Variants in LENG8 observed in about 807,000 individuals in gnomAD.
LENG8 encodes leukocyte receptor cluster member 8.
Under a neutral mutation model 102.1 loss-of-function variants are expected in LENG8, and 28 were observed. The ratio of observed to expected loss-of-function variants is 0.27; its 90% CI spans 0.20 to 0.38. LENG8 has a LOEUF of 0.38. Among genes scored for constraint, LENG8 ranks in the 10% least tolerant of loss-of-function variants. The pLI, the probability that LENG8 is intolerant of heterozygous loss-of-function variation, is 1.00. For missense variants in LENG8, 1,022 were observed against 1,113.9 expected, an observed-to-expected ratio of 0.92 and a Z score of 1.17; for synonymous variants, 531 against 456.7, an observed-to-expected ratio of 1.16 and a Z score of -2.07.
At chr19:54,460,482 C>T (rs930148164) in intron 15 of LENG8, 1 of 1,337,316 alleles carries the variant, frequency 7.5e-7, no homozygotes, top group African/African-American at 1.5e-5. Context: ...GCCCCTCAGC[C>T]AGCGGAGGAG....
In LENG8 at chr19:54,458,339, C is replaced by T. The variant is rs1249300548; in HGVS notation, c.2058C>T (p.Leu686=). 1 of 1,614,042 alleles carries T rather than the reference C, an allele frequency of 6.2e-7. No individual in the cohort carries two copies. The highest frequency in any genetic ancestry group is 1.7e-5 in the Admixed American group (1 of 60,034). ...SGDITTELAY[L]TRELKADPCV... The stretch of plus-strand genomic sequence containing the variant: ...ACATCACCACGGAGCTGGCATACCT[C>T]ACACGAGAACTGAAGGCAGATCCTT... The change falls in exon 15 of 16, where the codon CTC becomes CTT. Residue 686 remains leucine (L), a synonymous_variant. Coordinates refer to ENST00000326764, the MANE Select transcript of LENG8 (RefSeq NM_052925.4).
chr19:54,458,239 C>A lies in LENG8; in HGVS notation c.2032+7C>A, dbSNP rs751598350. On this transcript the variant is annotated splice_region_variant and intron_variant, in intron 14 of 15. Transcript: ENST00000326764. ...TTCACCAAGAACTCGGGAGGTGAGG[C>A]CCAGTCCCCAGGACAGAGGCCATGG... The A allele has an allele frequency of 4.6e-5, 74 of 1,613,998 alleles. No homozygotes were observed. The highest frequency in any genetic ancestry group is 5.6e-5 in the Non-Finnish European group (66 of 1,179,982).
chr19:54,460,320 AGTG>A (rs1412639515), intron 15 of LENG8: 7 of 1,234,104 alleles, frequency 5.7e-6, no homozygotes, highest in Non-Finnish European at 7.3e-6. Flanking sequence ...TTCAGTGTGT[AGTG>A]GTGAGTGCTA....
chr19:54,452,279 T>A lies in LENG8; in HGVS notation c.213+12T>A. The A allele has an allele frequency of 1.3e-6, 2 of 1,596,620 alleles. No homozygotes were observed. Among genetic ancestry groups the A allele is most frequent in the South Asian group, 2.2e-5 (2 of 90,192 alleles). The stretch of plus-strand genomic sequence containing the variant: ...TGGCCAGTGCACAGGTGAGAAGGCC[T>A]CATGGGGCTGGGGTACCCTGAGCCA... On this transcript the variant is annotated intron_variant, in intron 3 of 15. Transcript: ENST00000326764.
chr19:54,453,396 A>G (rs886334495), intron 4 of LENG8, 150 bp from the exon 5 acceptor site: 10 of 615,148 alleles, frequency 1.6e-5, no homozygotes, highest in Middle Eastern at 4.3e-4. Context: ...TCTTTTCCTA[A>G]TATATGAGAG....
At chr19:54,457,283 C>T (rs1047746504) in intron 11 of LENG8, among the ~76,000 whole-genome samples, 3 of 152,194 alleles carry the variant, frequency 2.0e-5, no homozygotes, top group Non-Finnish European at 4.4e-5. Flanking sequence ...TGTGAACAGC[C>T]ATGTGCTTAT....
Position 54,456,703 on chromosome 19 carries a change from C to G in LENG8, c.1513C>G (p.Arg505Gly). The G allele has an allele frequency of 1.2e-6, 2 of 1,613,310 alleles. No individual in the cohort carries two copies. Among genetic ancestry groups the G allele is most frequent in the Non-Finnish European group, 1.7e-6 (2 of 1,179,782 alleles). ...MAALECEDPE[R>G]ELKKQKRAAR... ...GGCGCTGGAGTGTGAGGACCCGGAG[C>G]GAGAGCTGAAGAAGCAGAAGCGGGC... Residue 505 changes from arginine to glycine, a missense_variant, in exon 11 of 16, where the codon CGA (arginine) becomes GGA (glycine). Transcript: ENST00000326764.
At chr19:54,459,833 TAGAA>T (rs2084439938) in intron 15 of LENG8, 7 of 1,157,874 alleles carry the variant, frequency 6.0e-6, no homozygotes, top group South Asian at 1.7e-5. Flanking sequence ...CTTGGGAAGT[TAGAA>T]GGAAGGGGAG....
intron 3 of LENG8, 100 bp downstream of exon 3, chr19:54,452,367 GGAAACAT>G: frequency 8.8e-7 from 1 of 1,136,398 alleles, no homozygotes; most frequent in Non-Finnish European, 1.2e-6. Context: ...TGCTCTGAGG[GGAAACAT>G]GAAAAGACGT....
chr19:54,451,558 G>A (rs946158109), intron 2 of LENG8, among the ~76,000 whole-genome samples, 176 bp downstream of exon 2: 1 of 152,184 alleles, frequency 6.6e-6, no homozygotes, highest in Non-Finnish European at 1.5e-5. Flanking sequence ...GGTGTGGAGA[G>A]GGGCAAGCTT....
intron 11 of LENG8, among the ~76,000 whole-genome samples, 162 bp from the exon 12 acceptor site, chr19:54,457,585 C>T (rs965017358): frequency 2.0e-5 from 3 of 152,144 alleles, no homozygotes; most frequent in African/African-American, 7.2e-5. Flanking sequence ...AGATGATCCA[C>T]ACACCTCGGC....
At chr19:54,458,903 A>G (rs1411755554) in intron 15 of LENG8, 3 of 1,542,154 alleles carry the variant, frequency 1.9e-6, no homozygotes, top group African/African-American at 1.4e-5. Flanking sequence ...TGCTCCCACC[A>G]TAGAGACCAT....
intron 15 of LENG8, 170 bp from the exon 16 acceptor site, chr19:54,460,596 G>A (rs573193297): frequency 1.4e-5 from 19 of 1,386,772 alleles, no homozygotes; most frequent in South Asian, 7.7e-5. Context: ...CCCCCCCCGG[G>A]CCCCCCCCGA....
Position 54,458,077 on chromosome 19 carries a change from C to T in LENG8, c.1903-26C>T, listed in dbSNP as rs201822179. 1.9e-6 allele frequency: 3 copies of T among 1,612,222 alleles called. No individual in the cohort carries two copies. In the Admixed American group the frequency reaches 5.0e-5, roughly 27 times the overall value. On this transcript the variant is annotated intron_variant, in intron 13 of 15. Coordinates refer to ENST00000326764, the MANE Select transcript of LENG8 (RefSeq NM_052925.4). Reference sequence around the variant, plus strand: ...GCCCTCAGCACCCTCACTCTGCTCTCCTCCCTCGGTGCCTCTGCCTTCCAG... The same window carrying T: ...GCCCTCAGCACCCTCACTCTGCTCTTCTCCCTCGGTGCCTCTGCCTTCCAG...
chr19:54,460,546 A>C, intron 15 of LENG8: 5 of 1,400,848 alleles, frequency 3.6e-6, no homozygotes, highest in South Asian at 1.5e-5. Context: ...CCGCACAGGT[A>C]AGTGAGGGTG....
At position 54,451,463 on chromosome 19, in the gene LENG8, T is replaced by C. The variant is rs796594327; in HGVS notation, c.38+81T>C. 4 of 1,444,730 alleles carry C rather than the reference T, an allele frequency of 2.8e-6. No individual in the cohort carries two copies. In the African/African-American group the frequency reaches 5.6e-5, roughly 20 times the overall value. 89.5% of individuals were successfully genotyped at this position (1,444,730 alleles called of 1,614,324 possible). ...CAGTGCTGTCCTCTGGGGTGGGACC[T>C]CCCGTGGCCTTAGGGGAGGTGATGC... is the stretch of plus-strand genomic sequence containing the variant. On this transcript the variant is annotated intron_variant, in intron 2 of 15. Coordinates refer to ENST00000326764, the MANE Select transcript of LENG8 (RefSeq NM_052925.4).
chr19:54,458,426 C>T lies in LENG8; in HGVS notation c.2145C>T (p.Phe715=). 1 of 1,614,280 alleles carries T rather than the reference C, an allele frequency of 6.2e-7. No individual in the cohort carries two copies. Among genetic ancestry groups the T allele is most frequent in the Non-Finnish European group, 8.5e-7 (1 of 1,180,054 alleles). ...AWALGNYHRF[F]RLYCHAPCMS... ...CCCTGGGCAACTACCACCGCTTTTT[C>T]CGGCTCTACTGCCATGCACCCTGCA... Residue 715 remains phenylalanine (F), a synonymous_variant, in exon 15 of 16, where the codon TTC becomes TTT. Coordinates refer to ENST00000326764, the MANE Select transcript of LENG8 (RefSeq NM_052925.4).
At chr19:54,449,423 G>C (rs557318015) in intron 1 of LENG8, 113 bp downstream of exon 1, 1 of 152,168 alleles carries the variant, frequency 6.6e-6, no homozygotes, top group Non-Finnish European at 1.5e-5. Flanking sequence ...CCGCGCGCGA[G>C]CGTCGACAGG....
chr19:54,454,775 C>G, intron 6 of LENG8, 93 bp downstream of exon 6: 1 of 1,462,974 alleles, frequency 6.8e-7, no homozygotes, highest in Middle Eastern at 1.8e-4. Context: ...CTCCTTGTTT[C>G]TGGGTGTTGT....
Sources: gnomAD v4.1 joint callset for allele counts (sites outside exome capture counted in the v4.1 genomes callset) on GRCh38, gnomAD v4.1.1 for gene constraint, MANE v1.5 for transcripts, NCBI Gene and HGNC (gene_info 2026-07-23, HGNC 2026-07-21) for gene names.